Variants in NAMPT observed in about 807,000 individuals in gnomAD.
The protein encoded by NAMPT is nicotinamide phosphoribosyltransferase.
Under a neutral mutation model 58.7 loss-of-function variants are expected in NAMPT, and 7 were observed. The observed-to-expected ratio is 0.12, with a 90% CI of 0.07 to 0.22. The LOEUF is 0.22. Ranked by LOEUF, NAMPT falls within the 10% of genes least tolerant of loss-of-function variation. The probability of loss-of-function intolerance (pLI) is 1.00; values close to 1 mark genes in which losing one functional copy is unlikely to be tolerated. For missense variants in NAMPT, 271 were observed against 567.9 expected (o/e 0.48, Z 5.31); for synonymous variants, 145 against 198.1 (o/e 0.73, Z 2.25).
At chr7:106,253,261 C>G in intron 9 of NAMPT, 110 bp from the exon 10 acceptor site, 1 of 1,173,624 alleles carries the variant, frequency 8.5e-7, no homozygotes, top group Non-Finnish European at 1.2e-6. Context: ...GTTTTAAGCA[C>G]TTAATAGGTA....
upstream of NAMPT, chr7:106,285,133 G>T (rs1228133001): frequency 3.9e-6 from 5 of 1,297,958 alleles, no homozygotes; most frequent in Admixed American, 3.5e-5. Flanking sequence ...TCCCCACCTC[G>T]GTTCCCCCGC....
chr7:106,277,378 G>T (rs1792667363), intron 1 of NAMPT, among the ~76,000 whole-genome samples, 199 bp from the exon 2 acceptor site: 1 of 152,162 alleles, frequency 6.6e-6, no homozygotes, highest in Non-Finnish European at 1.5e-5. Flanking sequence ...AACCACAGGA[G>T]AGCGTTAAAT....
chr7:106,276,831 A>G lies in NAMPT; in HGVS notation c.214+192T>C, dbSNP rs1792656091. 14 of 498,796 alleles carry G rather than the reference A, an allele frequency of 2.8e-5. No individual in the cohort carries two copies. In the South Asian group the frequency reaches 2.8e-4, roughly 10 times the overall value. 30.9% of individuals were successfully genotyped at this position (498,796 alleles called of 1,614,324 possible). ...CACTCCAGCCTGGCCAACAAGAGCG[A>G]AACTCGGTTTCCAAAAAAAAAAAAA... is the stretch of plus-strand genomic sequence containing the variant. On this transcript the variant is annotated intron_variant, in intron 2 of 10. Coordinates refer to ENST00000222553, the MANE Select transcript of NAMPT (RefSeq NM_005746.3).
At chr7:106,266,691 C>T (rs1402122778) in intron 6 of NAMPT, among the ~76,000 whole-genome samples, 1 of 152,154 alleles carries the variant, frequency 6.6e-6, no homozygotes, top group Non-Finnish European at 1.5e-5. Context: ...ACTTCATTAC[C>T]TTAAGACTGC....
intron 1 of NAMPT, among the ~76,000 whole-genome samples, chr7:106,280,574 C>T (rs932221853): frequency 1.3e-5 from 2 of 152,118 alleles, no homozygotes; most frequent in African/African-American, 4.8e-5. Flanking sequence ...CAAACCTTCC[C>T]AGTGAAAATG....
rs775257630 is a variant in NAMPT, at chr7:106,263,409, G to C, written c.952C>G (p.Leu318Val). The C allele has an allele frequency of 1.3e-5, 21 of 1,599,246 alleles. 1 individual carries two copies. The South Asian group carries it at 2.0e-4, about 15-fold the overall frequency. ...LIIRPDSGNP[L>V]DTVLKVLEIL... ...AAATTTACCTTTAACACAGTGTCAA[G>C]AGGGTTTCCAGAATCAGGTCTGATT... Residue 318 changes from leucine to valine, a missense_variant, in exon 7 of 11, where the codon CTT (leucine) becomes GTT (valine). Around this residue, in one of 4 missense-constraint regions of NAMPT, gnomAD observed 143 missense variants for 331.1 expected, o/e 0.43. Transcript: ENST00000222553.
At chr7:106,281,470 A>G (rs1792762683) in intron 1 of NAMPT, among the ~76,000 whole-genome samples, 1 of 152,172 alleles carries the variant, frequency 6.6e-6, no homozygotes. Context: ...AATAAGCTGT[A>G]TATGTAAGAT....
intron 7 of NAMPT, among the ~76,000 whole-genome samples, chr7:106,262,585 C>A (rs1314472841): frequency 1.3e-5 from 2 of 152,064 alleles, no homozygotes; most frequent in East Asian, 3.8e-4. Flanking sequence ...AATTCTGTTT[C>A]CCTTTCTTAA....
intron 1 of NAMPT, among the ~76,000 whole-genome samples, chr7:106,282,921 C>A (rs1284305849): frequency 6.6e-6 from 1 of 152,096 alleles, no homozygotes; most frequent in Non-Finnish European, 1.5e-5. Context: ...TCAAGATTAT[C>A]ATTTTTGTCC....
At chr7:106,261,791 T>C (rs943180458) in intron 7 of NAMPT, 84 bp from the exon 8 acceptor site, 7 of 1,408,718 alleles carry the variant, frequency 5.0e-6, no homozygotes, top group Non-Finnish European at 6.9e-6. Flanking sequence ...TGATTTTGCT[T>C]TGATAATCGA....
upstream of NAMPT, chr7:106,285,312 G>A: frequency 1.8e-6 from 1 of 542,046 alleles, no homozygotes; most frequent in Non-Finnish European, 2.4e-6. Flanking sequence ...TGACCCGGGC[G>A]CTTACCTAAG....
At position 106,249,820 on chromosome 7, in the gene NAMPT, G is replaced by A. The variant is rs1354775935; in HGVS notation, c.*1263C>T. 6.6e-6 allele frequency: 1 copy of A among 151,890 alleles called. No individual in the cohort carries two copies. Among genetic ancestry groups the A allele is most frequent in the Non-Finnish European group, 1.5e-5 (1 of 67,922 alleles). The allele number at this position is 151,890 out of a possible 1,614,324, so 9.4% of individuals were successfully genotyped here. A position where few individuals can be genotyped will look rare whatever the true frequency, so the allele number is the denominator to read the frequency against. On this transcript the variant is annotated 3_prime_UTR_variant, in exon 11 of 11. Transcript: ENST00000222553. ...ATCTACATACATAAAAGAATCATTC[G>A]AAAGAAACTGGTCTCTAGTCAGATG...
Position 106,248,971 on chromosome 7 carries a change from T to A in NAMPT, c.*2112A>T, listed in dbSNP as rs1792063370. On this transcript the variant is annotated 3_prime_UTR_variant, in exon 11 of 11. Coordinates refer to ENST00000222553, the MANE Select transcript of NAMPT (RefSeq NM_005746.3). ...GCTTTTTTCACTGCAAATTTCTAAA[T>A]TAAACTCTATTCTGAAGCTGCTGAA... 1 of 152,074 alleles carries A rather than the reference T, an allele frequency of 6.6e-6. No homozygotes were observed. Among genetic ancestry groups the A allele is most frequent in the African/African-American group, 2.4e-5 (1 of 41,424 alleles). 9.4% of individuals were successfully genotyped at this position (152,074 alleles called of 1,614,324 possible). A position where few individuals can be genotyped will look rare whatever the true frequency, so the allele number is the denominator to read the frequency against.
At chr7:106,259,614 G>A (rs545573443) in intron 8 of NAMPT, among the ~76,000 whole-genome samples, 16 of 152,018 alleles carry the variant, frequency 1.1e-4, no homozygotes, top group African/African-American at 2.9e-4. Context: ...TAGTAGAGAC[G>A]GGGTTTCACC....
At chr7:106,258,833 CTGATCAGGGTTGCTGAA>C (rs147523851) in intron 8 of NAMPT, among the ~76,000 whole-genome samples, 76,456 of 151,956 alleles carry the variant, frequency 0.5, 22,083 homozygotes, top group East Asian at 0.89. Context: ...TGGCTGCTGA[CTGATCAGGGTTGCTGAA>C]GGTTTTGGGG....
intron 1 of NAMPT, among the ~76,000 whole-genome samples, chr7:106,283,242 C>T (rs986697432): frequency 1.3e-5 from 2 of 151,912 alleles, no homozygotes; most frequent in African/African-American, 4.8e-5. Context: ...TCTAATAGTG[C>T]AATTAAGTAT....
chr7:106,275,079 T>G, intron 2 of NAMPT, 30 bp from the exon 3 acceptor site: 1 of 1,387,922 alleles, frequency 7.2e-7, no homozygotes, highest in Non-Finnish European at 1.0e-6. Context: ...CTGTTTACAT[T>G]TCTAAAGGTG....
chr7:106,259,770 T>C (rs1792271193), intron 8 of NAMPT, among the ~76,000 whole-genome samples: 1 of 152,140 alleles, frequency 6.6e-6, no homozygotes, highest in South Asian at 2.1e-4. Flanking sequence ...CTTTGATGGA[T>C]AGGCTGTCGA....
chr7:106,256,124 G>C (rs1435714509), intron 8 of NAMPT, among the ~76,000 whole-genome samples: 1 of 152,176 alleles, frequency 6.6e-6, no homozygotes, highest in Non-Finnish European at 1.5e-5. Context: ...CTCTGATAAT[G>C]CAATACTATG....
Sources: allele counts gnomAD v4.1 joint callset (sites outside exome capture counted in the v4.1 genomes callset), GRCh38; gene constraint gnomAD v4.1.1; regional missense constraint gnomAD v4.1.1; transcripts MANE v1.5; gene names NCBI Gene and HGNC (gene_info 2026-07-23, HGNC 2026-07-21).